Variants in RBM25 observed in about 807,000 individuals in gnomAD.
RBM25 encodes RNA binding motif protein 25.
In RBM25, 19 loss-of-function variants were observed where a neutral mutation model predicts 120.7. That is an observed-to-expected ratio of 0.16 (90% CI 0.11 to 0.23). The LOEUF (loss-of-function observed/expected upper bound fraction) is 0.23, where lower values mean the gene tolerates loss of function less well. RBM25 is among the 10% of genes least tolerant of loss of function. RBM25 has a pLI of 1.00. For synonymous variants in RBM25, 390 were observed against 326.7 expected (o/e 1.19, Z -2.09); for missense variants, 605 against 1,041.5 (o/e 0.58, Z 5.77).
At chr14:73,082,325 T>A (rs1343443397) in intron 4 of RBM25, among the ~76,000 whole-genome samples, 1 of 152,214 alleles carries the variant, frequency 6.6e-6, no homozygotes, top group Non-Finnish European at 1.5e-5. Flanking sequence ...ACAGTCTCAT[T>A]CTGTTGCTCA....
chr14:73,104,462 A>G (rs1227823306), intron 10 of RBM25, among the ~76,000 whole-genome samples: 1 of 151,372 alleles, frequency 6.6e-6, no homozygotes, highest in Non-Finnish European at 1.5e-5. Flanking sequence ...TTTGCCTCCC[A>G]GGCTTAAGCA....
rs567613529 is a variant in RBM25 at position 73,122,150 on chromosome 14, T to G, written c.*2345T>G. On this transcript the variant is annotated 3_prime_UTR_variant, in exon 19 of 19. Transcript: ENST00000261973. ...AATTTCTATTAAGTTGCTTGAACTT[T>G]GTGGGTTAATTTTACCATAATCTCA... is the stretch of plus-strand genomic sequence containing the variant. 6.6e-6 allele frequency: 1 copy of G among 151,532 alleles called. No homozygotes were observed. The highest frequency in any genetic ancestry group is 2.4e-5 in the African/African-American group (1 of 41,376). 9.4% of individuals were successfully genotyped at this position (151,532 alleles called of 1,614,324 possible). A position where few individuals can be genotyped will look rare whatever the true frequency, so the allele number is the denominator to read the frequency against.
Position 73,103,316 on chromosome 14 carries a change from G to A in RBM25, c.992G>A (p.Arg331Lys), listed in dbSNP as rs1305257135. 6.3e-7 allele frequency: 1 copy of A among 1,584,364 alleles called. No individual in the cohort carries two copies. Among genetic ancestry groups the A allele is most frequent in the Non-Finnish European group, 8.6e-7 (1 of 1,163,888 alleles). ...CGAGAACGGGAACGAGAAAGGGAAA[G>A]AGAACGTGAACGAGAAAAGGAGAAA... ...ERRERERERE[R>K]EREREKEKER... Residue 331 changes from arginine to lysine, a missense_variant, in exon 10 of 19, where the codon AGA (arginine) becomes AAA (lysine). Arg to Lys is a conservative substitution (Grantham distance 26). Coordinates refer to ENST00000261973, the MANE Select transcript of RBM25 (RefSeq NM_021239.3).
chr14:73,122,184 T>A lies in RBM25; in HGVS notation c.*2379T>A, dbSNP rs1237246914. ...ATTTTACCATAATCTCATAAATTAA[T>A]TTTAGTTTGAAAACCTTATACAGTA... On this transcript the variant is annotated 3_prime_UTR_variant, in exon 19 of 19. Transcript: ENST00000261973. The A allele has an allele frequency of 6.6e-6, 1 of 152,186 alleles. No individual in the cohort carries two copies. The highest frequency in any genetic ancestry group is 1.5e-5 in the Non-Finnish European group (1 of 68,034). The allele number at this position is 152,186 out of a possible 1,614,324, so 9.4% of individuals were successfully genotyped here.
chr14:73,059,542 C>A (rs981924452), intron 1 of RBM25: 1 of 152,124 alleles, frequency 6.6e-6, no homozygotes, highest in African/African-American at 2.4e-5. Context: ...CATTTTGATA[C>A]TGGGCAGAGT....
intron 2 of RBM25, 30 bp from the exon 3 acceptor site, chr14:73,076,289 G>A (rs758904508): frequency 1.9e-6 from 3 of 1,580,274 alleles, no homozygotes; most frequent in Admixed American, 1.7e-5. Context: ...ATGCAGTCAT[G>A]TAAAATCAGT....
At chr14:73,107,991 G>A (rs1435114259) in intron 13 of RBM25, 92 bp downstream of exon 13, 1 of 839,166 alleles carries the variant, frequency 1.2e-6, no homozygotes, top group Non-Finnish European at 1.9e-6. Context: ...TCACTAAGTG[G>A]AATAAGAAAA....
In RBM25 at chr14:73,089,665, T is replaced by TTTTGTTTGTTTGTTTGTTTGTTTGTTTG. The variant is rs75923211; in HGVS notation, c.543+1524_543+1525insTTTGTTTGTTTGTTTGTTTGTTTGTTTG. Among the ~76,000 whole-genome samples the TTTTGTTTGTTTGTTTGTTTGTTTGTTTG allele has an allele frequency of 6.1e-4, 89 of 145,602 alleles. 1 individual carries two copies. Among genetic ancestry groups the TTTTGTTTGTTTGTTTGTTTGTTTGTTTG allele is most frequent in the African/African-American group, 2.0e-3 (79 of 39,484 alleles). On this transcript the variant is annotated intron_variant, in intron 6 of 18. Transcript: ENST00000261973. The stretch of plus-strand genomic sequence containing the variant: ...CCACCACACCTGGCCAAATGTAGGG[T>TTTTGTTTGTTTGTTTGTTTGTTTGTTTG]TTTGTTTGTTTGTTTGTTTGAAATG...
intron 5 of RBM25, among the ~76,000 whole-genome samples, chr14:73,084,927 A>G (rs1475711872): frequency 1.3e-5 from 2 of 152,054 alleles, no homozygotes; most frequent in East Asian, 1.9e-4. Context: ...TCCATCAGGG[A>G]ACACATGTGA....
chr14:73,087,914 T>G (rs1895725422), intron 5 of RBM25, 87 bp from the exon 6 acceptor site: 2 of 1,323,448 alleles, frequency 1.5e-6, no homozygotes, highest in Non-Finnish European at 2.1e-6. Context: ...ATTAAAACAT[T>G]TGGACTCTAG....
Position 73,096,944 on chromosome 14 carries a change from C to T in RBM25, c.573C>T (p.Asp191=), listed in dbSNP as rs370349915. ...CAAGGCCAGAAACTGTCACTAATGA[C>T]GATGAAGAAGCCTTGGATGAAGAAA... ...GNARPETVTN[D]DEEALDEETK... is the part of the protein sequence containing the mutation. Residue 191 remains aspartate (D), a synonymous_variant, in exon 7 of 19, where the codon GAC becomes GAT. Transcript: ENST00000261973. 2.0e-5 allele frequency: 32 copies of T among 1,612,352 alleles called. No individual in the cohort carries two copies. The highest frequency in any genetic ancestry group is 5.0e-5 in the Admixed American group (3 of 59,650).
Position 73,119,867 on chromosome 14 carries a change from A to C in RBM25, c.*62A>C. 1 of 1,543,280 alleles carries C rather than the reference A, an allele frequency of 6.5e-7. No individual in the cohort carries two copies. The highest frequency in any genetic ancestry group is 2.3e-5 in the East Asian group (1 of 42,922). On this transcript the variant is annotated 3_prime_UTR_variant, in exon 19 of 19. Coordinates refer to ENST00000261973, the MANE Select transcript of RBM25 (RefSeq NM_021239.3). ...CTTTGCCACCCTTTTAAGGACTTTG[A>C]ATTTTTCTTTGTCTTTGAAGACATT...
chr14:73,068,473 G>T, intron 1 of RBM25: 1 of 855,270 alleles, frequency 1.2e-6, no homozygotes, highest in Non-Finnish European at 1.9e-6. Flanking sequence ...ACAAATCCAA[G>T]TTTTGACGTA....
At chr14:73,117,814 A>T (rs535285364) in intron 18 of RBM25, among the ~76,000 whole-genome samples, 450 of 152,132 alleles carry the variant, frequency 3.0e-3, no homozygotes, top group African/African-American at 9.9e-3. Context: ...TCCTACCCCA[A>T]ACTTCCTCTA....
chr14:73,095,563 C>T (rs1402699556), intron 6 of RBM25, among the ~76,000 whole-genome samples: 1 of 151,180 alleles, frequency 6.6e-6, no homozygotes, highest in Non-Finnish European at 1.5e-5. Context: ...GCTGAGATCA[C>T]GCCACTGCAT....
chr14:73,095,807 T>C (rs1295941856), intron 6 of RBM25, among the ~76,000 whole-genome samples: 1 of 152,192 alleles, frequency 6.6e-6, no homozygotes, highest in African/African-American at 2.4e-5. Flanking sequence ...CAGGCATGTA[T>C]GCACATGAGC....
intron 6 of RBM25, among the ~76,000 whole-genome samples, chr14:73,095,175 A>C (rs1251347118): frequency 1.3e-5 from 2 of 152,150 alleles, no homozygotes; most frequent in Non-Finnish European, 2.9e-5. Context: ...TTGTAATAAC[A>C]TGTAATGCCT....
chr14:73,111,894 C>A lies in RBM25; in HGVS notation c.2292+92C>A. 4 of 1,384,350 alleles carry A rather than the reference C, an allele frequency of 2.9e-6. No homozygotes were observed. The South Asian group carries it at 4.4e-5, about 15-fold the overall frequency. The allele number at this position is 1,384,350 out of a possible 1,614,324, so 85.8% of individuals were successfully genotyped here. On this transcript the variant is annotated intron_variant, in intron 16 of 18. Transcript: ENST00000261973. ...GAAGAAAAAAAAACCTCATTTGATT[C>A]TATTAATGACAAATAAGTAGGGATG...
At position 73,099,687 on chromosome 14, in the gene RBM25, A is replaced by T; in HGVS notation, c.804A>T (p.Glu268Asp). 1 of 1,604,816 alleles carries T rather than the reference A, an allele frequency of 6.2e-7. No individual in the cohort carries two copies. The highest frequency in any genetic ancestry group is 1.1e-5 in the South Asian group (1 of 88,738). ...TTTAGGAGGATATAAATGCTATAGA[A>T]ATGGAAGAAGACAAAAGAGACCTGA... ...LITKEDINAI[E>D]MEEDKRDLIS... Residue 268 changes from glutamate to aspartate, a missense_variant, in exon 9 of 19, where the codon GAA becomes GAT. Physicochemically the swap from Glu to Asp is conservative, Grantham distance 45. Coordinates refer to ENST00000261973, the MANE Select transcript of RBM25 (RefSeq NM_021239.3).
Sources: allele counts gnomAD v4.1 joint callset (sites outside exome capture counted in the v4.1 genomes callset), GRCh38; gene constraint gnomAD v4.1.1; transcripts MANE v1.5; gene names NCBI Gene and HGNC (gene_info 2026-07-23, HGNC 2026-07-21).